The following PDLIM4 variants were observed in gnomAD, a reference collection of about 807,000 sequenced individuals.
The protein encoded by PDLIM4 is PDZ and LIM domain 4, also known as PDZ and LIM domain protein 4.
In PDLIM4, 19 loss-of-function variants were observed where a neutral mutation model predicts 31.3. The observed-to-expected ratio is 0.61, with a 90% CI of 0.42 to 0.89. PDLIM4 has a LOEUF of 0.89. Among genes scored for constraint, PDLIM4 ranks in the 40% least tolerant of loss-of-function variants. The probability of loss-of-function intolerance (pLI) is 0.00; values close to 1 mark genes in which losing one functional copy is unlikely to be tolerated. For synonymous variants in PDLIM4, 176 were observed against 190.1 expected (o/e 0.93, Z 0.61); for missense variants, 442 against 461.1 (o/e 0.96, Z 0.38).
chr5:132,261,906 G>A (rs146727838), intron 1 of PDLIM4, among the ~76,000 whole-genome samples: 28 of 152,260 alleles, frequency 1.8e-4, no homozygotes, highest in African/African-American at 6.0e-4. Flanking sequence ...CAGTGTAGGG[G>A]GAAAAGGTGG....
At position 132,263,855 on chromosome 5, in the gene PDLIM4, C is replaced by T. The variant is rs534551203; in HGVS notation, c.245+1095C>T. ...TTGGCCCTGGCACACGGTGAGGATG[C>T]TCCATCTTTGGAGTTCAGCAAAGCT... On this transcript the variant is annotated intron_variant, in intron 2 of 6. Transcript: ENST00000253754. Among the ~76,000 whole-genome samples, 24 of 152,322 alleles carry T rather than the reference C, an allele frequency of 1.6e-4. No homozygotes were observed. The South Asian group carries it at 4.8e-3, about 30-fold the overall frequency.
At chr5:132,271,274 T>C in intron 4 of PDLIM4, 29 bp from the exon 5 acceptor site, 1 of 1,575,674 alleles carries the variant, frequency 6.3e-7, no homozygotes, top group Non-Finnish European at 8.6e-7. Flanking sequence ...ACTGCATCCC[T>C]TCCTCCTCTA....
chr5:132,259,183 C>T (rs1470306518), intron 1 of PDLIM4, among the ~76,000 whole-genome samples: 1 of 139,902 alleles, frequency 7.1e-6, no homozygotes, highest in Non-Finnish European at 1.6e-5. Context: ...AAGCCTGTGT[C>T]TGCTTGTGTG....
chr5:132,272,410 G>A lies in PDLIM4; in HGVS notation c.*181G>A. ...ACAGTAGTATCTGCTTAGGTGCCAG[G>A]CATGTCCTAGGCTCTGGGTGCAGTA... is the stretch of plus-strand genomic sequence containing the variant. On this transcript the variant is annotated 3_prime_UTR_variant, in exon 7 of 7. Transcript: ENST00000253754. The A allele has an allele frequency of 1.6e-6, 1 of 627,248 alleles. No individual in the cohort carries two copies. Among genetic ancestry groups the A allele is most frequent in the East Asian group, 2.8e-5 (1 of 36,352 alleles). The allele number at this position is 627,248 out of a possible 1,614,324, so 38.9% of individuals were successfully genotyped here.
At chr5:132,269,435 G>C (rs758146781) in intron 3 of PDLIM4, among the ~76,000 whole-genome samples, 1 of 150,568 alleles carries the variant, frequency 6.6e-6, no homozygotes, top group South Asian at 2.2e-4. Context: ...GTGTGAGAGC[G>C]CTCACGTTTC....
rs1756280683 is a variant in PDLIM4, at chr5:132,257,911, G to T, written c.93+84G>T. On this transcript the variant is annotated intron_variant, in intron 1 of 6. Transcript: ENST00000253754. The surrounding 1 kb of genome is among the most constrained non-coding windows in gnomAD (Gnocchi z 4.3). The stretch of plus-strand genomic sequence containing the variant: ...GGTCCGCCCGGGACCCAGATCCCCT[G>T]TGTATCCGAGGCTTGAAGGCGGAGG... 6.7e-6 allele frequency: 5 copies of T among 743,170 alleles called. No individual in the cohort carries two copies. Among genetic ancestry groups the T allele is most frequent in the Non-Finnish European group, 9.9e-6 (5 of 505,834 alleles). 46.0% of individuals were successfully genotyped at this position (743,170 alleles called of 1,614,324 possible).
chr5:132,262,694 T>C lies in PDLIM4; in HGVS notation c.179T>C (p.Met60Thr). 6.2e-7 allele frequency: 1 copy of C among 1,613,682 alleles called. No individual in the cohort carries two copies. ...ATCAATGGTGAGAGCACAGAGCTCA[T>C]GACACACCTGGAGGCACAGAACCGC... The part of the protein sequence containing the change: ...QAINGESTEL[M>T]THLEAQNRIK... Residue 60 changes from methionine to threonine, a missense_variant, in exon 2 of 7, where the codon ATG becomes ACG. Transcript: ENST00000253754.
chr5:132,260,997 G>A (rs1407778921), intron 1 of PDLIM4, among the ~76,000 whole-genome samples: 1 of 152,238 alleles, frequency 6.6e-6, no homozygotes, highest in Non-Finnish European at 1.5e-5. Context: ...CCTCTCCAGT[G>A]TGGGGACTGG....
intron 3 of PDLIM4, 175 bp downstream of exon 3, chr5:132,266,720 G>C: frequency 2.0e-6 from 1 of 497,564 alleles, no homozygotes; most frequent in East Asian, 3.2e-5. Context: ...ATGTTCCTCA[G>C]ATGATGAGCA....
chr5:132,266,738 T>C, intron 3 of PDLIM4, 193 bp downstream of exon 3: 1 of 478,840 alleles, frequency 2.1e-6, no homozygotes, highest in Non-Finnish European at 3.7e-6. Context: ...GCACCTGGTG[T>C]GGGCTCTGTC....
At chr5:132,266,935 A>T (rs1310519902) in intron 3 of PDLIM4, among the ~76,000 whole-genome samples, 7 of 152,080 alleles carry the variant, frequency 4.6e-5, no homozygotes, top group Non-Finnish European at 1.5e-5. Context: ...CTGTGGAGTG[A>T]CCTCAGGCTA....
chr5:132,258,549 G>C (rs1367782187), intron 1 of PDLIM4, among the ~76,000 whole-genome samples: 1 of 152,178 alleles, frequency 6.6e-6, no homozygotes, highest in Non-Finnish European at 1.5e-5. Flanking sequence ...GCCCTGGAGC[G>C]TGGCTAGTCT....
At position 132,272,160 on chromosome 5, in the gene PDLIM4, G is replaced by A. The variant is rs1140552; in HGVS notation, c.924G>A (p.Ala308=). The part of the protein sequence containing the change: ...ERLYCESHAK[A]RVKPPEGYDV... ...TCTACTGTGAGAGCCACGCCAAGGCGCGCGTGAAGCCGCCCGAGGGCTACG... is the reference window on the plus strand; with the variant it reads ...TCTACTGTGAGAGCCACGCCAAGGCACGCGTGAAGCCGCCCGAGGGCTACG... Residue 308 remains alanine, a synonymous_variant, in exon 7 of 7, where the codon GCG becomes GCA. Coordinates refer to ENST00000253754, the MANE Select transcript of PDLIM4 (RefSeq NM_003687.4). 11 of 1,614,136 alleles carry A rather than the reference G, an allele frequency of 6.8e-6. No homozygotes were observed. The highest frequency in any genetic ancestry group is 4.0e-5 in the African/African-American group (3 of 74,960).
At chr5:132,263,280 G>A (rs1756416560) in intron 2 of PDLIM4, among the ~76,000 whole-genome samples, 1 of 152,150 alleles carries the variant, frequency 6.6e-6, no homozygotes, top group Non-Finnish European at 1.5e-5. Context: ...TCTCTCCTAA[G>A]ACTACAGACC....
intron 1 of PDLIM4, among the ~76,000 whole-genome samples, chr5:132,259,493 A>G (rs1215979714): frequency 2.6e-5 from 4 of 152,118 alleles, no homozygotes; most frequent in African/African-American, 4.8e-5. Flanking sequence ...TTGTCCCCCA[A>G]AGTCACGCGG....
chr5:132,262,693 A>G lies in PDLIM4; in HGVS notation c.178A>G (p.Met60Val), dbSNP rs1206702601. The change falls in exon 2 of 7, where the codon ATG (methionine) becomes GTG (valine). Residue 60 changes from methionine (M) to valine (V), a missense_variant. Coordinates refer to ENST00000253754, the MANE Select transcript of PDLIM4 (RefSeq NM_003687.4). ...QAINGESTEL[M>V]THLEAQNRIK... ...CATCAATGGTGAGAGCACAGAGCTCATGACACACCTGGAGGCACAGAACCG... is the reference window on the plus strand; with the variant it reads ...CATCAATGGTGAGAGCACAGAGCTCGTGACACACCTGGAGGCACAGAACCG... The G allele has an allele frequency of 3.1e-6, 5 of 1,613,344 alleles. No individual in the cohort carries two copies. Among genetic ancestry groups the G allele is most frequent in the Non-Finnish European group, 4.2e-6 (5 of 1,179,616 alleles).
rs758321266 is a variant in PDLIM4, at chr5:132,271,480, C to T, written c.670+14C>T. On this transcript the variant is annotated intron_variant, in intron 5 of 6. Transcript: ENST00000253754. ...CCGGCGAGGGCGGTAAGACGCCTGC[C>T]ACCTGTCCCCATCTGCCTTCCCACT... is the stretch of plus-strand genomic sequence containing the variant. 1 of 1,606,476 alleles carries T rather than the reference C, an allele frequency of 6.2e-7. No individual in the cohort carries two copies. Among genetic ancestry groups the T allele is most frequent in the South Asian group, 1.1e-5 (1 of 91,074 alleles).
rs202040278 is a variant in PDLIM4, at chr5:132,272,089, G to A, written c.853G>A (p.Gly285Ser). The A allele has an allele frequency of 4.3e-6, 7 of 1,614,258 alleles. No individual in the cohort carries two copies. Among genetic ancestry groups the A allele is most frequent in the Non-Finnish European group, 5.9e-6 (7 of 1,180,024 alleles). Residue 285 changes from glycine (G) to serine (S), a missense_variant, in exon 7 of 7, where the codon GGC (glycine) becomes AGC (serine). Transcript: ENST00000253754. Reference protein sequence around the residue: ...HPECFMCSDCGLNLKQRGYFF... With the variant: ...HPECFMCSDCSLNLKQRGYFF... ...CGAGTGCTTCATGTGCAGTGACTGC[G>A]GCCTGAACCTCAAGCAGCGTGGTTA... is the stretch of plus-strand genomic sequence containing the variant.
At position 132,272,127 on chromosome 5, in the gene PDLIM4, C is replaced by T. The variant is rs1157909125; in HGVS notation, c.891C>T (p.Asp297=). ...NLKQRGYFFL[D]ERLYCESHAK... is the part of the protein sequence containing the mutation. ...AGCAGCGTGGTTACTTCTTTCTGGA[C>T]GAGCGGCTCTACTGTGAGAGCCACG... The change falls in exon 7 of 7, where the codon GAC becomes GAT. Residue 297 remains aspartate, a synonymous_variant. Coordinates refer to ENST00000253754, the MANE Select transcript of PDLIM4 (RefSeq NM_003687.4). The T allele has an allele frequency of 4.3e-6, 7 of 1,614,226 alleles. No individual in the cohort carries two copies. The highest frequency in any genetic ancestry group is 1.6e-4 in the Middle Eastern group (1 of 6,062).
Sources: gnomAD v4.1 joint callset for allele counts (sites outside exome capture counted in the v4.1 genomes callset) on GRCh38, gnomAD v4.1.1 for gene constraint, Gnocchi (gnomAD v3.1) non-coding constraint, MANE v1.5 for transcripts, NCBI Gene and HGNC (gene_info 2026-07-23, HGNC 2026-07-21) for gene names.